CASK: variants seen among roughly 807,000 people sequenced by gnomAD.
The protein encoded by CASK is peripheral plasma membrane protein CASK.
In CASK, 4 loss-of-function variants were observed where a neutral mutation model predicts 82.9. The observed-to-expected ratio is 0.05, with a 90% CI of 0.02 to 0.11. The LOEUF (loss-of-function observed/expected upper bound fraction) is 0.11, where lower values mean the gene tolerates loss of function less well. CASK is among the 10% of genes least tolerant of loss of function. The pLI is 1.00. For synonymous variants in CASK, 259 were observed against 253.5 expected (o/e 1.02, Z -0.20); for missense variants, 358 against 720.9 (o/e 0.50, Z 5.76).
At chrX:41,895,720 A>T (rs2072258741) in intron 1 of CASK, among the ~76,000 whole-genome samples, 1 of 111,907 alleles carries the variant, frequency 8.9e-6, no homozygotes, top group Non-Finnish European at 1.9e-5. Context: ...ACTTGATTGT[A>T]TCTTTCTTCT....
At chrX:41,913,028 ATTTCCCCAACTT>A (rs1569482074) in intron 1 of CASK, among the ~76,000 whole-genome samples, 14 of 109,416 alleles carry the variant, frequency 1.3e-4, no homozygotes, top group African/African-American at 4.7e-4. Context: ...CTCTGTAATG[ATTTCCCCAACTT>A]CCTTCTCCTA....
chrX:41,611,842 G>A (rs900066348), intron 11 of CASK, among the ~76,000 whole-genome samples: 1 of 110,749 alleles, frequency 9.0e-6, no homozygotes, highest in African/African-American at 3.3e-5. Flanking sequence ...GCGATTGCAG[G>A]CGCGCGCCGC....
At chrX:41,814,396 T>C (rs2070370428) in intron 2 of CASK, among the ~76,000 whole-genome samples, 1 of 111,118 alleles carries the variant, frequency 9.0e-6, no homozygotes, top group Admixed American at 9.5e-5. Context: ...ATATACACCA[T>C]GGAATACTAT....
intron 3 of CASK, among the ~76,000 whole-genome samples, chrX:41,754,171 G>A (rs2068847871): frequency 9.0e-6 from 1 of 111,276 alleles, no homozygotes; most frequent in Non-Finnish European, 1.9e-5. Context: ...GCTGAGGTGG[G>A]AGGATCACTT....
intron 16 of CASK, chrX:41,562,266 T>G (rs1430088713): frequency 8.9e-6 from 1 of 112,616 alleles, no homozygotes; most frequent in Non-Finnish European, 1.9e-5. Context: ...GGTTGGCATT[T>G]CAGCATCTTG....
chrX:41,679,310 T>TA (rs1213091316), intron 5 of CASK, among the ~76,000 whole-genome samples: 3 of 111,266 alleles, frequency 2.7e-5, no homozygotes, highest in African/African-American at 9.8e-5. Context: ...ACTACTCTGA[T>TA]ATTTTTTTCA....
intron 1 of CASK, among the ~76,000 whole-genome samples, chrX:41,891,323 TG>T (rs1327116924): frequency 1.8e-3 from 1 of 568 alleles, no homozygotes; most frequent in African/African-American, 6.4e-3. Flanking sequence ...AAAGACTGGG[TG>T]GGGGGGCGGG....
chrX:41,822,828 T>C (rs1031576501), intron 2 of CASK, among the ~76,000 whole-genome samples: 1 of 109,684 alleles, frequency 9.1e-6, no homozygotes, highest in South Asian at 3.9e-4. Context: ...TCCAGCTCCA[T>C]GGTCTTTTCT....
At chrX:41,726,965 A>T in intron 5 of CASK, 2 of 596,057 alleles carry the variant, frequency 3.4e-6, no homozygotes, top group Non-Finnish European at 5.1e-6. Flanking sequence ...AATAATTTTA[A>T]TATTAAATAT....
At chrX:41,913,737 T>C (rs1001870664) in intron 1 of CASK, among the ~76,000 whole-genome samples, 13 of 112,476 alleles carry the variant, frequency 1.2e-4, no homozygotes, top group Non-Finnish European at 2.4e-4. Context: ...AGAGACATTC[T>C]AGAAATAAAA....
chrX:41,635,214 C>T (rs949909340), intron 9 of CASK, among the ~76,000 whole-genome samples: 39 of 111,159 alleles, frequency 3.5e-4, no homozygotes, highest in African/African-American at 1.3e-3. Context: ...ATTTAAATAG[C>T]TGCATGTGGC....
At chrX:41,526,263 A>G (rs2064711249) in intron 25 of CASK, among the ~76,000 whole-genome samples, 1 of 111,311 alleles carries the variant, frequency 9.0e-6, no homozygotes, top group Admixed American at 9.6e-5. Flanking sequence ...CCCATCCCAT[A>G]GCCTGCTTCT....
intron 5 of CASK, among the ~76,000 whole-genome samples, chrX:41,688,510 G>GA (rs1323253329): frequency 9.0e-6 from 1 of 111,350 alleles, no homozygotes; most frequent in African/African-American, 3.3e-5. Flanking sequence ...ATCAAAAGGG[G>GA]AGAACACCAT....
chrX:41,790,449 C>T (rs951960862), intron 2 of CASK, among the ~76,000 whole-genome samples: 1 of 111,791 alleles, frequency 8.9e-6, no homozygotes, highest in African/African-American at 3.3e-5. Flanking sequence ...GAAATGGATG[C>T]TCCATTTCTG....
chrX:41,857,942 A>G (rs773430204), intron 1 of CASK, among the ~76,000 whole-genome samples: 2 of 112,172 alleles, frequency 1.8e-5, no homozygotes, highest in East Asian at 5.6e-4. Context: ...ATAGAGCAAC[A>G]CCATCATAAT....
chrX:41,567,837 C>A (rs1247521589), intron 16 of CASK, among the ~76,000 whole-genome samples: 1 of 111,310 alleles, frequency 9.0e-6, no homozygotes, highest in Non-Finnish European at 1.9e-5. Flanking sequence ...TTGGGACCAA[C>A]CCAAATGTCC....
At chrX:41,566,831 C>G (rs1471319572) in intron 16 of CASK, among the ~76,000 whole-genome samples, 2 of 111,731 alleles carry the variant, frequency 1.8e-5, no homozygotes, top group Non-Finnish European at 3.8e-5. Flanking sequence ...TACCTGACTT[C>G]AAACTATACT....
At chrX:41,675,770 CCTTCTCCTG>C (rs1032113192) in intron 5 of CASK, 1 of 1,201,454 alleles carries the variant, frequency 8.3e-7, no homozygotes, top group African/African-American at 1.7e-5. Flanking sequence ...ATTTTCCCCT[CCTTCTCCTG>C]CTTCAGCTTC....
At chrX:41,542,113 C>A (rs2064953808) in intron 22 of CASK, among the ~76,000 whole-genome samples, 1 of 112,255 alleles carries the variant, frequency 8.9e-6, no homozygotes, top group South Asian at 3.7e-4. Context: ...AAAGGGAAGG[C>A]CAAGATAAGA....
Sources: allele counts gnomAD v4.1 joint callset (sites outside exome capture counted in the v4.1 genomes callset), GRCh38; gene constraint gnomAD v4.1.1; transcripts MANE v1.5; gene names NCBI Gene and HGNC (gene_info 2026-07-23, HGNC 2026-07-21).